The following C8orf34 variants were observed in gnomAD, a reference collection of about 807,000 sequenced individuals.
The protein encoded by C8orf34 is uncharacterized protein C8orf34.
In C8orf34, 65 loss-of-function variants were observed where a neutral mutation model predicts 68.3. The observed-to-expected ratio is 0.95, with a 90% CI of 0.78 to 1.17. The LOEUF (loss-of-function observed/expected upper bound fraction) is 1.17. Among genes scored for constraint, C8orf34 ranks in the 50% most tolerant of loss-of-function variants. The probability of loss-of-function intolerance (pLI) is 0.00; values close to 1 mark genes in which losing one functional copy is unlikely to be tolerated. For synonymous variants in C8orf34, 244 were observed against 241.2 expected (o/e 1.01, Z -0.11); for missense variants, 664 against 655.4 (o/e 1.01, Z -0.14).
Position 68,594,397 on chromosome 8 carries a change from C to T in C8orf34, c.1106-45979C>T, listed in dbSNP as rs1268873452. On this transcript the variant is annotated intron_variant, in intron 7 of 13. Transcript: ENST00000518698. ...AAATATGATTCCTACTTTCCTCTTA[C>T]GATGTTTTTCTATATTAAATTGTCT... 2.0e-5 allele frequency among the ~76,000 whole-genome samples: 3 copies of T among 151,870 alleles called. No homozygotes were observed. In the East Asian group the frequency reaches 5.8e-4, roughly 29 times the overall value.
intron 10 of C8orf34, 44 bp from the exon 11 acceptor site, chr8:68,776,355 T>C: frequency 6.9e-7 from 1 of 1,457,000 alleles, no homozygotes. Context: ...TCTTTTTCTC[T>C]CCTTCTCCTG....
At chr8:68,458,579 T>C (rs1811649518) in intron 3 of C8orf34, among the ~76,000 whole-genome samples, 1 of 152,194 alleles carries the variant, frequency 6.6e-6, no homozygotes, top group African/African-American at 2.4e-5. Context: ...ATTAAAGAAA[T>C]TATTCAAAGA....
chr8:68,429,844 A>G (rs2129624667), intron 1 of C8orf34, among the ~76,000 whole-genome samples: 2 of 152,316 alleles, frequency 1.3e-5, no homozygotes, highest in East Asian at 3.9e-4. Flanking sequence ...ACAACAGGCA[A>G]AAGTGAACTG....
rs189547370 is a variant in C8orf34 at position 68,480,393 on chromosome 8, G to A, written c.737-7630G>A. Among the ~76,000 whole-genome samples the A allele has an allele frequency of 2.5e-3, 380 of 152,212 alleles. 1 individual carries two copies. Among genetic ancestry groups the A allele is most frequent in the South Asian group, 6.6e-3 (32 of 4,816 alleles). ...TCTTTTTGTTCCCAGTTTTGGGTAT[G>A]TCTTTATCAGCAGTGTGAAAACTAA... On this transcript the variant is annotated intron_variant, in intron 4 of 13. Coordinates refer to ENST00000518698, the MANE Select transcript of C8orf34 (RefSeq NM_052958.4).
At chr8:68,503,083 A>G (rs1813848412) in intron 5 of C8orf34, among the ~76,000 whole-genome samples, 1 of 152,200 alleles carries the variant, frequency 6.6e-6, no homozygotes, top group Non-Finnish European at 1.5e-5. Flanking sequence ...AAGCAGAGGA[A>G]TAGAAGCTAT....
chr8:68,628,804 A>C (rs541966275), intron 7 of C8orf34, among the ~76,000 whole-genome samples: 43 of 152,312 alleles, frequency 2.8e-4, no homozygotes, highest in Admixed American at 2.6e-3. Flanking sequence ...TATTTCATGG[A>C]TTACATTTGA....
chr8:68,490,817 A>G (rs577457863), intron 5 of C8orf34, among the ~76,000 whole-genome samples: 11 of 152,200 alleles, frequency 7.2e-5, no homozygotes, highest in African/African-American at 2.2e-4. Context: ...TCTGGCAGTC[A>G]CCCTTGGAGG....
chr8:68,379,177 A>G (rs1486800890), intron 1 of C8orf34, among the ~76,000 whole-genome samples: 2 of 152,246 alleles, frequency 1.3e-5, no homozygotes, highest in African/African-American at 4.8e-5. Context: ...TTATTTGTAA[A>G]CAACCTATAA....
At chr8:68,454,994 C>A (rs1399674905) in intron 3 of C8orf34, among the ~76,000 whole-genome samples, 1 of 151,664 alleles carries the variant, frequency 6.6e-6, no homozygotes, top group African/African-American at 2.4e-5. Context: ...CTTGTGATTT[C>A]TTCTTTGTCT....
chr8:68,783,523 CA>C (rs775189886), intron 11 of C8orf34, among the ~76,000 whole-genome samples: 1,712 of 53,746 alleles, frequency 0.032, 14 homozygotes, highest in African/African-American at 0.082. Context: ...GACTTCATCT[CA>C]AAAAAAAAAA....
At chr8:68,342,882 G>A (rs911675040) in intron 1 of C8orf34, among the ~76,000 whole-genome samples, 4 of 152,120 alleles carry the variant, frequency 2.6e-5, no homozygotes, top group African/African-American at 4.8e-5. Flanking sequence ...GTGAAAAGGC[G>A]AAAGTGCTCT....
intron 8 of C8orf34, among the ~76,000 whole-genome samples, chr8:68,670,438 A>G (rs1390876995): frequency 1.3e-5 from 2 of 152,226 alleles, no homozygotes; most frequent in East Asian, 1.9e-4. Context: ...ATCTGCCACC[A>G]TACACAGATA....
At chr8:68,491,093 C>A (rs1056843772) in intron 5 of C8orf34, among the ~76,000 whole-genome samples, 1 of 152,010 alleles carries the variant, frequency 6.6e-6, no homozygotes, top group Non-Finnish European at 1.5e-5. Context: ...ATTTTTTAAC[C>A]ATCATTTTCT....
At chr8:68,575,531 A>G (rs1816877252) in intron 7 of C8orf34, among the ~76,000 whole-genome samples, 1 of 152,116 alleles carries the variant, frequency 6.6e-6, no homozygotes, top group South Asian at 2.1e-4. Context: ...TTGCCATTAG[A>G]GATGGATACT....
intron 1 of C8orf34, among the ~76,000 whole-genome samples, chr8:68,359,036 T>C (rs1381803922): frequency 6.6e-6 from 1 of 152,132 alleles, no homozygotes; most frequent in Non-Finnish European, 1.5e-5. Context: ...CAAGTAAAAA[T>C]TATATTGCTA....
chr8:68,509,255 C>CTGCA (rs1814158162), intron 5 of C8orf34, among the ~76,000 whole-genome samples: 1 of 152,282 alleles, frequency 6.6e-6, no homozygotes, highest in African/African-American at 2.4e-5. Context: ...AAGGCTCTGG[C>CTGCA]TGCATGACTG....
At chr8:68,591,364 A>G (rs369695894) in intron 7 of C8orf34, among the ~76,000 whole-genome samples, 2 of 152,312 alleles carry the variant, frequency 1.3e-5, no homozygotes, top group East Asian at 3.9e-4. Flanking sequence ...ACCATTTAAT[A>G]GGAATCTGAA....
chr8:68,653,548 T>C (rs2130786152), intron 8 of C8orf34, among the ~76,000 whole-genome samples: 1 of 152,280 alleles, frequency 6.6e-6, no homozygotes, highest in African/African-American at 2.4e-5. Context: ...TTCTCATAGC[T>C]CTAGAGGCTG....
chr8:68,352,845 A>G (rs61263542), intron 1 of C8orf34, among the ~76,000 whole-genome samples: 2 of 152,098 alleles, frequency 1.3e-5, no homozygotes, highest in African/African-American at 4.8e-5. Context: ...AGTTGTGAAC[A>G]ATAAGTATGT....
Sources: gnomAD v4.1 joint callset for allele counts (sites outside exome capture counted in the v4.1 genomes callset) on GRCh38, gnomAD v4.1.1 for gene constraint, MANE v1.5 for transcripts, NCBI Gene and HGNC (gene_info 2026-07-23, HGNC 2026-07-21) for gene names.